The following PCCA variants were observed in gnomAD, a reference collection of about 807,000 sequenced individuals.
PCCA encodes propionyl-CoA carboxylase alpha chain, mitochondrial.
In PCCA, 74 loss-of-function variants were observed where a neutral mutation model predicts 101.3. The ratio of observed to expected loss-of-function variants is 0.73; its 90% CI spans 0.61 to 0.89. The LOEUF (loss-of-function observed/expected upper bound fraction) is 0.89. PCCA is among the 40% of genes least tolerant of loss of function. PCCA has a pLI of 0.00. For missense variants in PCCA, 891 were observed against 907.0 expected (o/e 0.98, Z 0.23); for synonymous variants, 294 against 313.6 (o/e 0.94, Z 0.66).
intron 14 of PCCA, chr13:100,305,730 G>C (rs1279307279): frequency 8.2e-6 from 3 of 363,900 alleles, no homozygotes; most frequent in South Asian, 7.2e-5. Context: ...TTTTAAAGCT[G>C]CTCCATTAAT....
chr13:100,375,514 T>G (rs1489328056), intron 19 of PCCA, among the ~76,000 whole-genome samples: 1 of 152,172 alleles, frequency 6.6e-6, no homozygotes, highest in East Asian at 1.9e-4. Flanking sequence ...TCTTTTTAGG[T>G]CTCTAAGAAC....
At chr13:100,327,713 G>T (rs1056218109) in intron 16 of PCCA, among the ~76,000 whole-genome samples, 1 of 152,140 alleles carries the variant, frequency 6.6e-6, no homozygotes, top group Non-Finnish European at 1.5e-5. Context: ...TCCATATCCT[G>T]ACTAGCACTT....
intron 20 of PCCA, among the ~76,000 whole-genome samples, chr13:100,427,230 C>T (rs549649645): frequency 2.0e-5 from 3 of 152,168 alleles, no homozygotes; most frequent in South Asian, 2.1e-4. Flanking sequence ...AACAAACAAA[C>T]AAAACAAACA....
chr13:100,309,792 AATAT>A, intron 15 of PCCA, 37 bp from the exon 16 acceptor site: 1 of 1,187,790 alleles, frequency 8.4e-7, no homozygotes, highest in Non-Finnish European at 1.2e-6. Flanking sequence ...CATAGTTCTA[AATAT>A]ATATATATAT....
intron 18 of PCCA, among the ~76,000 whole-genome samples, chr13:100,351,818 C>T (rs1208890319): frequency 1.3e-5 from 2 of 152,146 alleles, no homozygotes; most frequent in African/African-American, 4.8e-5. Flanking sequence ...CTTTACAGAA[C>T]TACCTAGTCA....
chr13:100,121,057 G>A (rs1217549071), intron 4 of PCCA, among the ~76,000 whole-genome samples: 1 of 150,582 alleles, frequency 6.6e-6, no homozygotes, highest in Non-Finnish European at 1.5e-5. Flanking sequence ...TTGCAAGTCT[G>A]TAGAAATACA....
At chr13:100,136,188 T>G (rs2051141391) in intron 4 of PCCA, among the ~76,000 whole-genome samples, 1 of 147,996 alleles carries the variant, frequency 6.8e-6, no homozygotes, top group Admixed American at 6.7e-5. Flanking sequence ...AAATTGTTTT[T>G]TTTTTTTTTT....
chr13:100,527,029 C>T (rs1368263186), intron 22 of PCCA, among the ~76,000 whole-genome samples: 1 of 152,054 alleles, frequency 6.6e-6, no homozygotes, highest in Non-Finnish European at 1.5e-5. Context: ...GGACAGTGGT[C>T]CTCGTGGCGC....
chr13:100,188,813 G>C (rs544364583), intron 6 of PCCA, among the ~76,000 whole-genome samples: 1 of 152,052 alleles, frequency 6.6e-6, no homozygotes, highest in Non-Finnish European at 1.5e-5. Flanking sequence ...CTGATCTTTA[G>C]TGAGCATATA....
chr13:100,320,101 G>A (rs2067853616), intron 16 of PCCA, among the ~76,000 whole-genome samples: 1 of 152,162 alleles, frequency 6.6e-6, no homozygotes, highest in East Asian at 1.9e-4. Flanking sequence ...GTGAATGGGA[G>A]TTGACTCATG....
intron 21 of PCCA, among the ~76,000 whole-genome samples, chr13:100,452,429 G>A (rs1159134764): frequency 6.6e-6 from 1 of 152,134 alleles, no homozygotes; most frequent in Non-Finnish European, 1.5e-5. Context: ...GGTTGGCCTT[G>A]TTGCTCTTCT....
chr13:100,404,539 A>G (rs1327569083), intron 19 of PCCA, among the ~76,000 whole-genome samples: 1 of 152,126 alleles, frequency 6.6e-6, no homozygotes, highest in Non-Finnish European at 1.5e-5. Context: ...CTGAAGATGA[A>G]TGGCTACCTA....
intron 4 of PCCA, among the ~76,000 whole-genome samples, chr13:100,131,998 G>A (rs2050563919): frequency 6.6e-6 from 1 of 152,156 alleles, no homozygotes; most frequent in African/African-American, 2.4e-5. Context: ...GACCTGAAGG[G>A]GGTGACAAGA....
chr13:100,494,405 C>G (rs545610056), intron 21 of PCCA, among the ~76,000 whole-genome samples: 1 of 150,930 alleles, frequency 6.6e-6, no homozygotes, highest in Non-Finnish European at 1.5e-5. Context: ...AAATTCCGGC[C>G]GGGTACGGTG....
chr13:100,268,584 A>T (rs1223288430), intron 10 of PCCA, 105 bp from the exon 11 acceptor site: 1 of 809,760 alleles, frequency 1.2e-6, no homozygotes, highest in South Asian at 1.4e-5. Flanking sequence ...TATACTATGA[A>T]GTTTGAATAT....
At chr13:100,304,010 A>G (rs529763944) in intron 14 of PCCA, among the ~76,000 whole-genome samples, 2 of 152,362 alleles carry the variant, frequency 1.3e-5, no homozygotes, top group East Asian at 1.9e-4. Context: ...TGATTACTCT[A>G]GTTGTTAGAA....
intron 22 of PCCA, among the ~76,000 whole-genome samples, chr13:100,522,234 T>G (rs2087358705): frequency 6.6e-6 from 1 of 152,248 alleles, no homozygotes; most frequent in African/African-American, 2.4e-5. Context: ...AGCTTATTTA[T>G]TATTTTGTAT....
At chr13:100,290,545 T>A (rs1037156171) in intron 12 of PCCA, among the ~76,000 whole-genome samples, 3 of 152,040 alleles carry the variant, frequency 2.0e-5, no homozygotes, top group African/African-American at 7.2e-5. Flanking sequence ...ATTCAGGGAC[T>A]TTTTTTTCCA....
At chr13:100,411,422 T>G (rs562328391) in intron 19 of PCCA, among the ~76,000 whole-genome samples, 15 of 152,266 alleles carry the variant, frequency 9.9e-5, no homozygotes, top group African/African-American at 3.4e-4. Context: ...GGTTTTGCTA[T>G]GTTGACCAGG....
Sources: gnomAD v4.1 joint callset for allele counts (sites outside exome capture counted in the v4.1 genomes callset) on GRCh38, gnomAD v4.1.1 for gene constraint, MANE v1.5 for transcripts, NCBI Gene and HGNC (gene_info 2026-07-23, HGNC 2026-07-21) for gene names.